OPA3: variants seen among roughly 807,000 people sequenced by gnomAD.
OPA3 encodes outer mitochondrial membrane lipid metabolism regulator OPA3.
OPA3 carries 6 observed loss-of-function variants against 4.0 expected under a neutral mutation model. That is an observed-to-expected ratio of 1.51 (90% CI 0.83 to 2.99). The LOEUF (loss-of-function observed/expected upper bound fraction) is 2.99, where lower values mean the gene tolerates loss of function less well. Among genes scored for constraint, OPA3 ranks in the 30% most tolerant of loss-of-function variants. The pLI, the probability that OPA3 is intolerant of heterozygous loss-of-function variation, is 0.00. For synonymous variants in OPA3, 105 were observed against 117.1 expected (o/e 0.90, Z 0.67); for missense variants, 235 against 256.2 (o/e 0.92, Z 0.56).
chr19:45,553,820 C>G lies in OPA3; in HGVS notation c.234G>C (p.Glu78Asp). 3 of 1,613,362 alleles carry G rather than the reference C, an allele frequency of 1.9e-6. No homozygotes were observed. The highest frequency in any genetic ancestry group is 2.5e-6 in the Non-Finnish European group (3 of 1,179,746). The change falls in exon 2 of 2, where the codon GAG (glutamate) becomes GAC (aspartate). Residue 78 changes from glutamate (E) to aspartate (D), a missense_variant. Glu to Asp is a conservative substitution (Grantham distance 45, BLOSUM62 2). Coordinates refer to ENST00000263275, the MANE Select transcript of OPA3 (RefSeq NM_025136.4). The part of the protein sequence containing the change: ...IKPLNEEAAA[E>D]LGAELLGEAT... ...CTTCGCCCAGCAGCTCTGCGCCCAGCTCAGCTGCCGCCTCCTCGTTCAGCG... is the reference window on the plus strand; with the variant it reads ...CTTCGCCCAGCAGCTCTGCGCCCAGGTCAGCTGCCGCCTCCTCGTTCAGCG...
chr19:45,528,962 C>T (rs1969025824), exon 2 of OPA3: 1 of 1,439,768 alleles, frequency 6.9e-7, no homozygotes, highest in Non-Finnish European at 9.3e-7. Context: ...GTCAGCTGGG[C>T]CGGTCCAGGA....
intron 1 of OPA3, among the ~76,000 whole-genome samples, chr19:45,562,877 G>A (rs1225880056): frequency 2.0e-5 from 3 of 152,058 alleles, no homozygotes; most frequent in East Asian, 3.9e-4. Flanking sequence ...GTTATCATCC[G>A]GAGACTCTGG....
intron 1 of OPA3, among the ~76,000 whole-genome samples, chr19:45,579,828 C>T (rs895910156): frequency 6.6e-6 from 1 of 151,940 alleles, no homozygotes; most frequent in Non-Finnish European, 1.5e-5. Context: ...GCAGACAAGC[C>T]GTGGCACAAA....
chr19:45,562,552 G>C (rs1289317027), intron 1 of OPA3, among the ~76,000 whole-genome samples: 1 of 151,364 alleles, frequency 6.6e-6, no homozygotes, highest in Non-Finnish European at 1.5e-5. Context: ...AGCTGGGTGT[G>C]ATGGCGCACG....
chr19:45,529,191 C>T, exon 2 of OPA3: 2 of 1,611,054 alleles, frequency 1.2e-6, no homozygotes, highest in African/African-American at 2.7e-5. Context: ...CCTGCGCCTG[C>T]AACTCCTCGA....
chr19:45,558,149 T>C (rs1568403819), intron 1 of OPA3, among the ~76,000 whole-genome samples: 1 of 151,938 alleles, frequency 6.6e-6, no homozygotes, highest in Admixed American at 6.6e-5. Flanking sequence ...CTGGCCAACA[T>C]GGTGAAACCC....
downstream of OPA3, among the ~76,000 whole-genome samples, chr19:45,544,321 A>C (rs1474211386): frequency 6.6e-6 from 1 of 152,234 alleles, no homozygotes; most frequent in African/African-American, 2.4e-5. Flanking sequence ...ATGAATAAAC[A>C]AATTGTGGTC....
At chr19:45,567,576 C>G (rs533724545) in intron 1 of OPA3, among the ~76,000 whole-genome samples, 6 of 152,172 alleles carry the variant, frequency 3.9e-5, no homozygotes, top group Non-Finnish European at 8.8e-5. Context: ...ATCTTGGGTA[C>G]TAGTTACATG....
At chr19:45,580,767 C>T (rs186310114) in intron 1 of OPA3, among the ~76,000 whole-genome samples, 5 of 152,022 alleles carry the variant, frequency 3.3e-5, no homozygotes, top group East Asian at 3.9e-4. Flanking sequence ...TACAGGTGTG[C>T]GCCACCACAC....
chr19:45,552,865 G>A lies in OPA3; in HGVS notation c.*649C>T, dbSNP rs886054537. 31 of 329,350 alleles carry A rather than the reference G, an allele frequency of 9.4e-5. No individual in the cohort carries two copies. Among genetic ancestry groups the A allele is most frequent in the Admixed American group, 5.8e-4 (9 of 15,460 alleles). 20.4% of individuals were successfully genotyped at this position (329,350 alleles called of 1,614,324 possible). ...TAATTTTTGTATTTTTAGTAGAGAC[G>A]GAGTTTCACCATGTTGGCCAGGCTG... On this transcript the variant is annotated 3_prime_UTR_variant, in exon 2 of 2. Transcript: ENST00000263275.
At chr19:45,562,351 AAAAAAAAAAAAAG>A (rs1410042123) in intron 1 of OPA3, among the ~76,000 whole-genome samples, 1 of 142,794 alleles carries the variant, frequency 7.0e-6, no homozygotes, top group African/African-American at 2.6e-5. Flanking sequence ...CTCAAAAAAA[AAAAAAAAAAAAAG>A]AAAAGAAAAA....
chr19:45,570,528 CA>C (rs945562178), intron 1 of OPA3, among the ~76,000 whole-genome samples: 1 of 151,098 alleles, frequency 6.6e-6, no homozygotes, highest in African/African-American at 2.4e-5. Context: ...AATAATAATA[CA>C]AAAAAAAATT....
At position 45,546,896 on chromosome 19, in the gene OPA3, T is replaced by C. The variant is rs557129054; in HGVS notation, c.*6618A>G. The C allele has an allele frequency of 6.6e-6, 1 of 152,324 alleles. No homozygotes were observed. The highest frequency in any genetic ancestry group is 2.1e-4 in the South Asian group (1 of 4,828). The allele number at this position is 152,324 out of a possible 1,614,324, so 9.4% of individuals were successfully genotyped here. On this transcript the variant is annotated 3_prime_UTR_variant, in exon 2 of 2. Transcript: ENST00000263275. The stretch of plus-strand genomic sequence containing the variant: ...GTTGGGCAGGCTGGTCTCGAACTCC[T>C]GACTTCAAGTGATCCTCCCACCTTG...
intron 1 of OPA3, among the ~76,000 whole-genome samples, chr19:45,531,091 A>ATT (rs944769338): frequency 6.0e-5 from 9 of 148,910 alleles, no homozygotes; most frequent in African/African-American, 2.0e-4. Context: ...CACCCAGCCT[A>ATT]TTTTTTTTTA....
chr19:45,527,736 C>G (rs1437546439), exon 2 of OPA3: 1 of 152,138 alleles, frequency 6.6e-6, no homozygotes, highest in Admixed American at 6.6e-5. Flanking sequence ...TGACATTTTG[C>G]AGACGCACAT....
intron 1 of OPA3, among the ~76,000 whole-genome samples, chr19:45,568,487 C>T (rs938838111): frequency 3.3e-5 from 5 of 151,946 alleles, no homozygotes; most frequent in African/African-American, 4.8e-5. Flanking sequence ...ACTGTGCCCC[C>T]GCCCAATCCA....
intron 1 of OPA3, among the ~76,000 whole-genome samples, chr19:45,565,216 G>C (rs1426690551): frequency 2.0e-5 from 3 of 151,956 alleles, no homozygotes; most frequent in South Asian, 4.2e-4. Context: ...CCTGGTGATA[G>C]AGCAAGACTC....
At chr19:45,563,222 C>T (rs1020148390) in intron 1 of OPA3, among the ~76,000 whole-genome samples, 4 of 152,106 alleles carry the variant, frequency 2.6e-5, no homozygotes, top group Non-Finnish European at 5.9e-5. Context: ...TGCAGTGGCT[C>T]GATCTTGGCT....
intron 1 of OPA3, among the ~76,000 whole-genome samples, chr19:45,578,049 C>A (rs1448044688): frequency 1.3e-5 from 2 of 152,266 alleles, no homozygotes; most frequent in East Asian, 3.9e-4. Context: ...AGAGATCTAA[C>A]TTGACTGACT....
Sources: gnomAD v4.1 joint callset for allele counts (sites outside exome capture counted in the v4.1 genomes callset) on GRCh38, gnomAD v4.1.1 for gene constraint, MANE v1.5 for transcripts, NCBI Gene and HGNC (gene_info 2026-07-23, HGNC 2026-07-21) for gene names.